DMTN: variants seen among roughly 807,000 people sequenced by gnomAD.
DMTN encodes the protein dematin actin binding protein.
In DMTN, 27 loss-of-function variants were observed where a neutral mutation model predicts 59.4. That is an observed-to-expected ratio of 0.45 (90% CI 0.33 to 0.63). DMTN has a LOEUF of 0.63. Ranked by LOEUF, DMTN falls within the 20% of genes least tolerant of loss-of-function variation. DMTN has a pLI of 0.02. For missense variants in DMTN, 451 were observed against 528.9 expected, an observed-to-expected ratio of 0.85 and a Z score of 1.45; for synonymous variants, 221 against 203.7, an observed-to-expected ratio of 1.08 and a Z score of -0.72.
chr8:22,053,971 G>T (rs970219685), upstream of DMTN, among the ~76,000 whole-genome samples: 1 of 152,156 alleles, frequency 6.6e-6, no homozygotes, highest in Non-Finnish European at 1.5e-5. Context: ...AGAGGTCAGA[G>T]GCCTTCCCAG....
At chr8:22,065,430 A>G (rs1395871369) in intron 1 of DMTN, among the ~76,000 whole-genome samples, 1 of 152,190 alleles carries the variant, frequency 6.6e-6, no homozygotes. Flanking sequence ...AGAAGGGTTG[A>G]TCCATGAGGA....
At chr8:22,052,161 C>A (rs1463795223), upstream of DMTN, among the ~76,000 whole-genome samples, 1 of 152,224 alleles carries the variant, frequency 6.6e-6, no homozygotes, top group African/African-American at 2.4e-5. Context: ...ACTGGTCTTG[C>A]CAGCCATTCA....
At chr8:22,049,984 C>T (rs187292099), upstream of DMTN, among the ~76,000 whole-genome samples, 8 of 152,284 alleles carry the variant, frequency 5.3e-5, no homozygotes, top group Non-Finnish European at 8.8e-5. Context: ...ACCCCCACCA[C>T]GGGGCAATTT....
At chr8:22,062,997 A>G (rs546784709) in intron 1 of DMTN, among the ~76,000 whole-genome samples, 2 of 152,066 alleles carry the variant, frequency 1.3e-5, no homozygotes, top group Admixed American at 1.3e-4. Flanking sequence ...GCTGTTTTTA[A>G]CCTTCTTTCT....
rs201289630 is a variant in DMTN, at chr8:22,082,054, G to T, written c.*591G>T. 3.6e-4 allele frequency: 164 copies of T among 456,848 alleles called. No individual in the cohort carries two copies. Among genetic ancestry groups the T allele is most frequent in the Admixed American group, 6.3e-4 (27 of 42,588 alleles). The allele number at this position is 456,848 out of a possible 1,614,324, so 28.3% of individuals were successfully genotyped here. A position where few individuals can be genotyped will look rare whatever the true frequency, so the allele number is the denominator to read the frequency against. On this transcript the variant is annotated 3_prime_UTR_variant, in exon 16 of 16. Transcript: ENST00000358242. ...CTTCCAAGCCTTTTGCTCCAGCCCT[G>T]CGGCTTCCCCAGAAGCCTGGGCTTA...
At chr8:22,056,111 C>G (rs550802027), upstream of DMTN, among the ~76,000 whole-genome samples, 1 of 152,296 alleles carries the variant, frequency 6.6e-6, no homozygotes, top group Admixed American at 6.5e-5. Flanking sequence ...AGGGAAGGCA[C>G]ATGCCTGTAA....
chr8:22,069,281 T>G, intron 5 of DMTN, 138 bp from the exon 6 acceptor site: 1 of 890,224 alleles, frequency 1.1e-6, no homozygotes, highest in Non-Finnish European at 1.7e-6. Context: ...CTTGGAACTG[T>G]GCCACAACAT....
In DMTN at chr8:22,066,875, C is replaced by G. The variant is rs1247056691; in HGVS notation, c.-1C>G. 29 of 1,347,486 alleles carry G rather than the reference C, an allele frequency of 2.2e-5. No individual in the cohort carries two copies. Among genetic ancestry groups the G allele is most frequent in the Non-Finnish European group, 2.8e-5 (29 of 1,046,656 alleles). 83.5% of individuals were successfully genotyped at this position (1,347,486 alleles called of 1,614,324 possible). The stretch of plus-strand genomic sequence containing the variant: ...GACCCGGCGGGCGAGCTCCGTGCTG[C>G]ATGGAACGGCTGCAGAAGGTGCGCG... On this transcript the variant is annotated 5_prime_UTR_variant, in exon 2 of 16. Transcript: ENST00000358242.
chr8:22,071,859 CG>C (rs1481850654), intron 8 of DMTN, among the ~76,000 whole-genome samples: 3 of 152,118 alleles, frequency 2.0e-5, no homozygotes, highest in Admixed American at 6.5e-5. Flanking sequence ...GGATTACAGG[CG>C]TGAGTCCCCG....
At chr8:22,060,000 G>A (rs1384324373) in intron 1 of DMTN, among the ~76,000 whole-genome samples, 1 of 152,074 alleles carries the variant, frequency 6.6e-6, no homozygotes, top group Non-Finnish European at 1.5e-5. Context: ...GGGCTGGGCT[G>A]GTGGCTCAGA....
At chr8:22,050,332 G>C (rs557153327), upstream of DMTN, among the ~76,000 whole-genome samples, 163 of 152,162 alleles carry the variant, frequency 1.1e-3, no homozygotes, top group Middle Eastern at 6.8e-3. Context: ...AAGGAGGTGT[G>C]TTGGGGAGGG....
intron 1 of DMTN, among the ~76,000 whole-genome samples, chr8:22,064,810 G>A (rs1809313697): frequency 6.6e-6 from 1 of 152,128 alleles, no homozygotes; most frequent in Non-Finnish European, 1.5e-5. Flanking sequence ...AAACAGACTT[G>A]AGAATCTGGC....
chr8:22,054,125 GAC>G (rs1161364821), upstream of DMTN, among the ~76,000 whole-genome samples: 1 of 119,872 alleles, frequency 8.3e-6, no homozygotes, highest in Non-Finnish European at 1.8e-5. Context: ...CACACACACA[GAC>G]ACACACACAC....
chr8:22,081,819 G>C lies in DMTN; in HGVS notation c.*356G>C, dbSNP rs1401175336. The C allele has an allele frequency of 6.2e-6, 3 of 481,880 alleles. No homozygotes were observed. The highest frequency in any genetic ancestry group is 5.9e-5 in the African/African-American group (3 of 51,200). 29.9% of individuals were successfully genotyped at this position (481,880 alleles called of 1,614,324 possible). On this transcript the variant is annotated 3_prime_UTR_variant, in exon 16 of 16. Coordinates refer to ENST00000358242, the MANE Select transcript of DMTN (RefSeq NM_001387751.1). Reference sequence around the variant, plus strand: ...GTTGGCTGTCTTGAACAGCTGGAGGGAAGATGCAGGGGTGGGAAGCGGCCA... The same window carrying C: ...GTTGGCTGTCTTGAACAGCTGGAGGCAAGATGCAGGGGTGGGAAGCGGCCA...
At chr8:22,055,954 G>A (rs542596072), upstream of DMTN, among the ~76,000 whole-genome samples, 63 of 152,336 alleles carry the variant, frequency 4.1e-4, no homozygotes, top group African/African-American at 1.5e-3. Context: ...GGCTGCCTAG[G>A]TAGGCAAGTC....
chr8:22,072,919 G>A (rs781693242), intron 9 of DMTN, among the ~76,000 whole-genome samples: 1 of 152,096 alleles, frequency 6.6e-6, no homozygotes, highest in Non-Finnish European at 1.5e-5. Flanking sequence ...GGGACACCTG[G>A]ACTTTATGCT....
upstream of DMTN, among the ~76,000 whole-genome samples, chr8:22,053,331 A>C (rs1474824784): frequency 6.6e-6 from 1 of 152,210 alleles, no homozygotes; most frequent in African/African-American, 2.4e-5. Flanking sequence ...TCTGGGCAGC[A>C]GAGTCCAATG....
At chr8:22,079,303 A>ATATATATATCTATATATATATATATATAG (rs67715172) in intron 10 of DMTN, among the ~76,000 whole-genome samples, 1 of 52,220 alleles carries the variant, frequency 1.9e-5, no homozygotes, top group African/African-American at 5.8e-5. Context: ...TATATATATT[A>ATATATATATCTATATATATATATATATAG]GCTGGGTTTG....
chr8:22,079,137 T>C (rs1276320022), intron 10 of DMTN, among the ~76,000 whole-genome samples: 2 of 150,908 alleles, frequency 1.3e-5, no homozygotes, highest in East Asian at 2.0e-4. Flanking sequence ...AGGCCAAGCA[T>C]AGTGGCTCAC....
Sources: allele counts gnomAD v4.1 joint callset (sites outside exome capture counted in the v4.1 genomes callset), GRCh38; gene constraint gnomAD v4.1.1; transcripts MANE v1.5; gene names NCBI Gene and HGNC (gene_info 2026-07-23, HGNC 2026-07-21).